GRIK4: variants seen among roughly 807,000 people sequenced by gnomAD.
The protein encoded by GRIK4 is glutamate ionotropic receptor kainate type subunit 4, also known as glutamate receptor ionotropic, kainate 4.
GRIK4 carries 40 observed loss-of-function variants against 104.9 expected under a neutral mutation model. That is an observed-to-expected ratio of 0.38 (90% CI 0.30 to 0.50). The LOEUF is 0.50. Ranked by LOEUF, GRIK4 falls within the 20% of genes least tolerant of loss-of-function variation. The probability of loss-of-function intolerance (pLI) is 0.93; values close to 1 mark genes in which losing one functional copy is unlikely to be tolerated. For missense variants in GRIK4, 1,047 were observed against 1,308.1 expected (o/e 0.80, Z 3.08); for synonymous variants, 485 against 524.9 (o/e 0.92, Z 1.04).
At chr11:120,747,848 A>G (rs937548375) in intron 3 of GRIK4, among the ~76,000 whole-genome samples, 8 of 152,358 alleles carry the variant, frequency 5.3e-5, no homozygotes, top group Middle Eastern at 3.4e-3. Flanking sequence ...CTACGCACAC[A>G]TGCAAACCTA....
At chr11:120,711,007 G>GGT (rs762944200) in intron 3 of GRIK4, among the ~76,000 whole-genome samples, 2,758 of 149,028 alleles carry the variant, frequency 0.019, 251 homozygotes, top group African/African-American at 0.063. Context: ...TGGGGAGGGG[G>GGT]TGTGAGCAGC....
rs1362148948 is a variant in GRIK4, at chr11:120,945,435, CG to C, written c.1590+4976del. Among the ~76,000 whole-genome samples the C allele has an allele frequency of 3.3e-5, 5 of 152,126 alleles. No individual in the cohort carries two copies. In the East Asian group the frequency reaches 9.6e-4, roughly 29 times the overall value. ...TGTCAGACCATAGATTTTTATGATA[CG>C]ATTTTTGGTATGGAAAATGTGGTCA... On this transcript the variant is annotated intron_variant, in intron 14 of 20. Transcript: ENST00000527524.
intron 3 of GRIK4, among the ~76,000 whole-genome samples, chr11:120,799,555 G>A (rs976417107): frequency 6.6e-5 from 10 of 152,324 alleles, no homozygotes; most frequent in African/African-American, 2.2e-4. Flanking sequence ...GGCTGACCTG[G>A]GCTCACTTCC....
intron 13 of GRIK4, chr11:120,936,337 C>T: frequency 2.0e-6 from 1 of 489,596 alleles, no homozygotes; most frequent in Non-Finnish European, 4.0e-6. Context: ...GGGCAATATT[C>T]AGGAAAGAAC....
chr11:120,635,881 C>T (rs1949390895), intron 1 of GRIK4, among the ~76,000 whole-genome samples: 1 of 152,204 alleles, frequency 6.6e-6, no homozygotes, highest in Non-Finnish European at 1.5e-5. Context: ...ACCCTTATAG[C>T]CAGCACCTGG....
intron 13 of GRIK4, among the ~76,000 whole-genome samples, chr11:120,906,683 C>G (rs1386847071): frequency 6.6e-6 from 1 of 152,136 alleles, no homozygotes; most frequent in Non-Finnish European, 1.5e-5. Context: ...ATAAGCAGTC[C>G]TTGACAAGGG....
chr11:120,682,326 G>A (rs1950206726), intron 3 of GRIK4, among the ~76,000 whole-genome samples: 1 of 152,232 alleles, frequency 6.6e-6, no homozygotes, highest in African/African-American at 2.4e-5. Context: ...GCAGCCAGAG[G>A]CCCAGCGAGG....
At chr11:120,512,882 C>T (rs982929976) in intron 1 of GRIK4, among the ~76,000 whole-genome samples, 6 of 151,498 alleles carry the variant, frequency 4.0e-5, no homozygotes, top group African/African-American at 1.2e-4. Flanking sequence ...AGGAGGCGGC[C>T]GAGGGGGCTG....
intron 2 of GRIK4, among the ~76,000 whole-genome samples, chr11:120,657,852 A>G (rs1047124931): frequency 6.6e-6 from 1 of 152,192 alleles, no homozygotes; most frequent in Admixed American, 6.5e-5. Context: ...CATAAGGAAA[A>G]GTGCACACCC....
intron 13 of GRIK4, among the ~76,000 whole-genome samples, chr11:120,931,898 T>C (rs1288890738): frequency 6.6e-6 from 1 of 152,152 alleles, no homozygotes; most frequent in East Asian, 1.9e-4. Flanking sequence ...CTCCTGGCCC[T>C]GTGTGTTCTA....
chr11:120,674,781 C>T (rs527926573), intron 3 of GRIK4, among the ~76,000 whole-genome samples: 1 of 152,196 alleles, frequency 6.6e-6, no homozygotes, highest in Non-Finnish European at 1.5e-5. Context: ...AACATATAGC[C>T]CTGGGGGCCC....
At chr11:120,558,053 A>G (rs888753601) in intron 1 of GRIK4, among the ~76,000 whole-genome samples, 1 of 150,734 alleles carries the variant, frequency 6.6e-6, no homozygotes, top group Non-Finnish European at 1.5e-5. Flanking sequence ...GAAGTAATCG[A>G]CAGTGGTCCT....
chr11:120,684,361 T>G (rs61902683), intron 3 of GRIK4, among the ~76,000 whole-genome samples: 14,886 of 152,118 alleles, frequency 0.098, 828 homozygotes, highest in South Asian at 0.14. Context: ...GCGAAACAAA[T>G]GGAATATGAA....
rs183702584 is a variant in GRIK4, at chr11:120,819,188, G to A, written c.346-567G>A. 2.8e-4 allele frequency among the ~76,000 whole-genome samples: 43 copies of A among 152,266 alleles called. No homozygotes were observed. Among genetic ancestry groups the A allele is most frequent in the Admixed American group, 2.5e-3 (38 of 15,296 alleles). On this transcript the variant is annotated intron_variant, in intron 5 of 20. Transcript: ENST00000527524. This position sits in a 1 kb window ranked among gnomAD's most constrained non-coding sequence, Gnocchi z 4.3. ...TGCAGGGCTTCCTTCCTCCATGTGC[G>A]CATGTGTGTCTGTGCGGGAGCCCAT...
intron 3 of GRIK4, among the ~76,000 whole-genome samples, chr11:120,701,788 T>A (rs1435060151): frequency 1.3e-5 from 2 of 152,118 alleles, no homozygotes; most frequent in African/African-American, 4.8e-5. Flanking sequence ...CTTGCAGTAA[T>A]CCAGGTGAGA....
At chr11:120,570,934 G>A (rs111581293) in intron 1 of GRIK4, among the ~76,000 whole-genome samples, 2 of 152,252 alleles carry the variant, frequency 1.3e-5, no homozygotes, top group Admixed American at 6.5e-5. Flanking sequence ...ATTTTGTTCT[G>A]AAGTTGGTAA....
intron 3 of GRIK4, among the ~76,000 whole-genome samples, chr11:120,773,530 G>T (rs1951985410): frequency 6.6e-6 from 1 of 152,234 alleles, no homozygotes; most frequent in African/African-American, 2.4e-5. Flanking sequence ...TGCAGTGGCA[G>T]CCTGGAGTGG....
chr11:120,671,222 A>C (rs1452147584), intron 3 of GRIK4, among the ~76,000 whole-genome samples: 3 of 152,262 alleles, frequency 2.0e-5, no homozygotes, highest in African/African-American at 7.2e-5. Flanking sequence ...ATACCCAGTA[A>C]TGGGATTACT....
Position 120,956,953 on chromosome 11 carries a change from G to T in GRIK4, c.1874G>T (p.Trp625Leu). 1 of 1,602,108 alleles carries T rather than the reference G, an allele frequency of 6.2e-7. No individual in the cohort carries two copies. The part of the protein sequence containing the change: ...ALSTRCVSGV[W>L]WAFTLIIISS... ...TCCACCCGCTGTGTCAGTGGCGTCT[G>T]GTAAGGCCCCAGGCAGAGGTGAACC... Residue 625 changes from tryptophan to leucine, a missense_variant and splice_region_variant, in exon 16 of 21, where the codon TGG (tryptophan) becomes TTG (leucine). Around this residue, in one of 3 missense-constraint regions of GRIK4, gnomAD observed 440 missense variants for 652.3 expected, o/e 0.67. Transcript: ENST00000527524. This position sits in a 1 kb window ranked among gnomAD's most constrained non-coding sequence, Gnocchi z 4.6.
Sources: gnomAD v4.1 joint callset for allele counts (sites outside exome capture counted in the v4.1 genomes callset) on GRCh38, gnomAD v4.1.1 for gene constraint, gnomAD v4.1.1 regional missense constraint, Gnocchi (gnomAD v3.1) non-coding constraint, MANE v1.5 for transcripts, NCBI Gene and HGNC (gene_info 2026-07-23, HGNC 2026-07-21) for gene names.